BAZ2B: variants seen among roughly 807,000 people sequenced by gnomAD.
The protein encoded by BAZ2B is bromodomain adjacent to zinc finger domain protein 2B.
A neutral mutation model predicts 246.0 loss-of-function variants in BAZ2B; 91 were observed. That is an observed-to-expected ratio of 0.37 (90% CI 0.31 to 0.44). BAZ2B has a LOEUF of 0.44. BAZ2B is among the 20% of genes least tolerant of loss of function. BAZ2B has a pLI of 1.00. For missense variants in BAZ2B, 2,332 were observed against 2,533.7 expected, an observed-to-expected ratio of 0.92 and a Z score of 1.71; for synonymous variants, 855 against 860.0, an observed-to-expected ratio of 0.99 and a Z score of 0.10.
chr2:159,503,179 A>G (rs951985706), intron 2 of BAZ2B, among the ~76,000 whole-genome samples: 2 of 152,144 alleles, frequency 1.3e-5, no homozygotes, highest in African/African-American at 2.4e-5. Context: ...CAGTGTTTCT[A>G]TATCACCTGT....
At chr2:159,661,591 T>A in the BAZ2B span, among the ~76,000 whole-genome samples, 1 of 152,324 alleles carries the variant, frequency 6.6e-6, no homozygotes. Flanking sequence ...TATAACCATG[T>A]CAAAACCCAG....
At chr2:159,434,597 C>A (rs557586731) in intron 8 of BAZ2B, 1 of 152,064 alleles carries the variant, frequency 6.6e-6, no homozygotes, top group African/African-American at 2.4e-5. Flanking sequence ...GGTAGAAACA[C>A]TCATTTATTC....
At chr2:159,381,464 C>T (rs2061988537) in intron 25 of BAZ2B, among the ~76,000 whole-genome samples, 1 of 152,052 alleles carries the variant, frequency 6.6e-6, no homozygotes, top group Non-Finnish European at 1.5e-5. Flanking sequence ...TCAATCCTAC[C>T]ACTCTAACAA....
intron 31 of BAZ2B, 92 bp from the exon 32 acceptor site, chr2:159,337,864 G>T: frequency 1.6e-6 from 2 of 1,219,692 alleles, no homozygotes; most frequent in Non-Finnish European, 1.1e-6. Flanking sequence ...TTGGATACTG[G>T]CAGATCTCAA....
At chr2:159,495,484 C>CAAAA (rs56365046) in intron 2 of BAZ2B, among the ~76,000 whole-genome samples, 1,217 of 73,200 alleles carry the variant, frequency 0.017, 34 homozygotes, top group Non-Finnish European at 0.02. Flanking sequence ...GACTCCGTCT[C>CAAAA]AAAAAAAAAA....
chr2:159,447,172 C>G (rs149722235), intron 5 of BAZ2B, among the ~76,000 whole-genome samples, 197 bp from the exon 6 acceptor site: 1 of 151,640 alleles, frequency 6.6e-6, no homozygotes, highest in Non-Finnish European at 1.5e-5. Flanking sequence ...GAAAACTGAT[C>G]GCTTCCAGGG....
chr2:159,677,389 C>A, the BAZ2B span, among the ~76,000 whole-genome samples: 1 of 151,948 alleles, frequency 6.6e-6, no homozygotes, highest in Admixed American at 6.6e-5. Context: ...TGTAACTATG[C>A]TTTTTCTAAT....
chr2:159,466,910 A>G (rs1007278172), intron 3 of BAZ2B, among the ~76,000 whole-genome samples: 1 of 152,158 alleles, frequency 6.6e-6, no homozygotes, highest in African/African-American at 2.4e-5. Context: ...CACTGATTCA[A>G]TTGCTAAACA....
At chr2:159,525,686 C>T (rs938646523) in intron 2 of BAZ2B, among the ~76,000 whole-genome samples, 1 of 152,108 alleles carries the variant, frequency 6.6e-6, no homozygotes, top group African/African-American at 2.4e-5. Context: ...GAATACTCAA[C>T]CTGTACCTGG....
At chr2:159,455,827 T>A (rs532023043) in intron 3 of BAZ2B, among the ~76,000 whole-genome samples, 1 of 110,570 alleles carries the variant, frequency 9.0e-6, no homozygotes, top group Non-Finnish European at 1.8e-5. Flanking sequence ...CTCAAAAAAA[T>A]GAGCTTGTAA....
chr2:159,621,496 C>A (rs548843899), upstream of BAZ2B, among the ~76,000 whole-genome samples: 1 of 152,074 alleles, frequency 6.6e-6, no homozygotes. Context: ...GTGGAGGGGA[C>A]AATCATAACA....
At chr2:159,629,644 G>A in the BAZ2B span, among the ~76,000 whole-genome samples, 5 of 151,814 alleles carry the variant, frequency 3.3e-5, no homozygotes, top group African/African-American at 1.2e-4. Context: ...TGGACACAGC[G>A]AGGGGAACGT....
intron 20 of BAZ2B, among the ~76,000 whole-genome samples, chr2:159,390,408 A>C (rs1276288369): frequency 1.3e-5 from 2 of 152,146 alleles, no homozygotes; most frequent in Non-Finnish European, 2.9e-5. Flanking sequence ...GGTTCACTCC[A>C]ATCAAGATCT....
chr2:159,581,909 C>T (rs1196432988), intron 1 of BAZ2B, among the ~76,000 whole-genome samples: 2 of 120,412 alleles, frequency 1.7e-5, no homozygotes, highest in African/African-American at 6.7e-5. Context: ...ACATCACACA[C>T]TAGGGCCTGT....
intron 1 of BAZ2B, among the ~76,000 whole-genome samples, chr2:159,559,421 T>A (rs2089593036): frequency 6.6e-6 from 1 of 152,188 alleles, no homozygotes; most frequent in African/African-American, 2.4e-5. Context: ...ACTACTTCTA[T>A]AAAACCCTGT....
At chr2:159,550,566 G>A (rs1050511300) in intron 2 of BAZ2B, among the ~76,000 whole-genome samples, 1 of 151,954 alleles carries the variant, frequency 6.6e-6, no homozygotes, top group Non-Finnish European at 1.5e-5. Context: ...TTTATTCTAG[G>A]TAGTGATATA....
intron 13 of BAZ2B, among the ~76,000 whole-genome samples, chr2:159,413,158 C>T (rs1228720075): frequency 6.6e-6 from 1 of 152,130 alleles, no homozygotes; most frequent in Non-Finnish European, 1.5e-5. Context: ...CCCTCACACA[C>T]ACACAAAAAT....
intron 24 of BAZ2B, among the ~76,000 whole-genome samples, chr2:159,383,014 T>C (rs2062185437): frequency 6.6e-6 from 1 of 152,082 alleles, no homozygotes; most frequent in South Asian, 2.1e-4. Context: ...ATTCTAGATA[T>C]CTCTTTGGAA....
chr2:159,625,063 C>G, the BAZ2B span, among the ~76,000 whole-genome samples: 1 of 151,556 alleles, frequency 6.6e-6, no homozygotes, highest in Non-Finnish European at 1.5e-5. Flanking sequence ...ATTGATCAAG[C>G]AGAAGAAAGG....
Sources: gnomAD v4.1 joint callset for allele counts (sites outside exome capture counted in the v4.1 genomes callset) on GRCh38, gnomAD v4.1.1 for gene constraint, MANE v1.5 for transcripts, NCBI Gene and HGNC (gene_info 2026-07-23, HGNC 2026-07-21) for gene names.